Variants in SPATS2L observed in about 807,000 individuals in gnomAD.
SPATS2L encodes the protein SPATS2-like protein.
In SPATS2L, 30 loss-of-function variants were observed where a neutral mutation model predicts 59.6. The ratio of observed to expected loss-of-function variants is 0.50; its 90% CI spans 0.38 to 0.68. The LOEUF is 0.68. Among genes scored for constraint, SPATS2L ranks in the 30% least tolerant of loss-of-function variants. The probability of loss-of-function intolerance (pLI) is 0.00; values close to 1 mark genes in which losing one functional copy is unlikely to be tolerated. For synonymous variants in SPATS2L, 252 were observed against 263.5 expected (o/e 0.96, Z 0.42); for missense variants, 615 against 700.0 (o/e 0.88, Z 1.37).
intron 2 of SPATS2L, among the ~76,000 whole-genome samples, chr2:200,367,798 A>G (rs1324278409): frequency 6.6e-6 from 1 of 152,218 alleles, no homozygotes; most frequent in Non-Finnish European, 1.5e-5. Context: ...ACTGAATCAC[A>G]TTGTAAATTT....
chr2:200,471,674 G>A (rs1559164463), intron 11 of SPATS2L, among the ~76,000 whole-genome samples: 1 of 152,144 alleles, frequency 6.6e-6, no homozygotes, highest in African/African-American at 2.4e-5. Context: ...AATCTGGTGA[G>A]CATAGGAGCC....
intron 2 of SPATS2L, among the ~76,000 whole-genome samples, chr2:200,378,756 C>G (rs1350090652): frequency 6.6e-6 from 1 of 152,096 alleles, no homozygotes; most frequent in Non-Finnish European, 1.5e-5. Context: ...CCATGACAAC[C>G]GAGCCAGCTT....
chr2:200,402,064 A>G lies in SPATS2L; in HGVS notation c.40-10247A>G, dbSNP rs548702545. 8.8e-4 allele frequency among the ~76,000 whole-genome samples: 134 copies of G among 152,300 alleles called. 2 individuals are homozygous for G. Among genetic ancestry groups the G allele is most frequent in the Non-Finnish European group, 2.2e-4 (15 of 68,024 alleles). Reference sequence around the variant, plus strand: ...TTCCCCATTCCCTGCATCTAGTTAAATGCAAATCAATTGCTTCCTCCCAAG... The same window carrying G: ...TTCCCCATTCCCTGCATCTAGTTAAGTGCAAATCAATTGCTTCCTCCCAAG... On this transcript the variant is annotated intron_variant, in intron 3 of 12. Transcript: ENST00000409140.
intron 2 of SPATS2L, among the ~76,000 whole-genome samples, chr2:200,336,106 A>G (rs59915718): frequency 0.11 from 16,538 of 152,294 alleles, 958 homozygotes; most frequent in Non-Finnish European, 0.13. Context: ...TAAGTTGAAG[A>G]CAATTTTAAT....
chr2:200,332,529 G>A (rs2079980166), intron 2 of SPATS2L, among the ~76,000 whole-genome samples: 1 of 152,132 alleles, frequency 6.6e-6, no homozygotes, highest in South Asian at 2.1e-4. Context: ...TTACAGGTGT[G>A]AGCCACCATG....
chr2:200,444,679 A>C (rs1254929805), intron 8 of SPATS2L, among the ~76,000 whole-genome samples: 3 of 152,074 alleles, frequency 2.0e-5, no homozygotes, highest in Non-Finnish European at 4.4e-5. Context: ...GTCTGGCCCA[A>C]GCAGAATTTG....
At position 200,440,930 on chromosome 2, in the gene SPATS2L, T is replaced by G. The variant is rs530801530; in HGVS notation, c.788+146T>G. 25 of 717,050 alleles carry G rather than the reference T, an allele frequency of 3.5e-5. No homozygotes were observed. In the African/African-American group the frequency reaches 3.5e-4, roughly 10 times the overall value. The allele number at this position is 717,050 out of a possible 1,614,324, so 44.4% of individuals were successfully genotyped here. On this transcript the variant is annotated intron_variant, in intron 8 of 12. Transcript: ENST00000409140. ...AAATTTTGTTAAGCCCTGCAGGCAG[T>G]AGCATGTATCTTGGGAATAAAAAAG...
In SPATS2L at chr2:200,317,556, C is replaced by A. The variant is rs182195307; in HGVS notation, c.-73+10634C>A. 4.6e-5 allele frequency among the ~76,000 whole-genome samples: 7 copies of A among 152,208 alleles called. No homozygotes were observed. The East Asian group carries it at 1.4e-3, about 29-fold the overall frequency. On this transcript the variant is annotated intron_variant, in intron 1 of 12. Coordinates refer to ENST00000409140, the MANE Select transcript of SPATS2L (RefSeq NM_001100423.2). ...AGGATATGAAATCTGGGGCAAGGGG[C>A]CCAGATTTTACCCAGCCAAGGGTGA...
At chr2:200,466,806 GT>G (rs1398848337) in intron 9 of SPATS2L, among the ~76,000 whole-genome samples, 1 of 152,218 alleles carries the variant, frequency 6.6e-6, no homozygotes, top group Non-Finnish European at 1.5e-5. Context: ...TCAGATTCCA[GT>G]AACACAGCTA....
At chr2:200,471,434 G>T (rs1344369405) in intron 11 of SPATS2L, among the ~76,000 whole-genome samples, 1 of 151,912 alleles carries the variant, frequency 6.6e-6, no homozygotes, top group Admixed American at 6.6e-5. Flanking sequence ...CGATCTCGGG[G>T]CGATGGAGAG....
intron 4 of SPATS2L, among the ~76,000 whole-genome samples, chr2:200,415,195 C>G (rs2083014133): frequency 6.6e-6 from 1 of 152,152 alleles, no homozygotes; most frequent in Non-Finnish European, 1.5e-5. Flanking sequence ...CTTATTATTT[C>G]AAGTACATGC....
chr2:200,341,340 G>T (rs556489573), intron 2 of SPATS2L, among the ~76,000 whole-genome samples: 67 of 152,300 alleles, frequency 4.4e-4, no homozygotes, highest in African/African-American at 1.6e-3. Context: ...GTGTGTCATA[G>T]AACCTCTGAG....
Position 200,469,921 on chromosome 2 carries a change from T to A in SPATS2L, c.965T>A (p.Val322Asp). The change falls in exon 11 of 13, where the codon GTC becomes GAC. Residue 322 changes from valine (V) to aspartate (D), a missense_variant. Coordinates refer to ENST00000409140, the MANE Select transcript of SPATS2L (RefSeq NM_001100423.2). ...AELRAEIKHFVSERKYDEELG... is the reference protein window; with the variant it reads ...AELRAEIKHFDSERKYDEELG... ...TTCATCTCTTTCCTCCAGCACTTTGTCAGCGAGCGTAAATATGACGAGGAG... is the reference window on the plus strand; with the variant it reads ...TTCATCTCTTTCCTCCAGCACTTTGACAGCGAGCGTAAATATGACGAGGAG... 1 of 1,609,124 alleles carries A rather than the reference T, an allele frequency of 6.2e-7. No individual in the cohort carries two copies. Among genetic ancestry groups the A allele is most frequent in the African/African-American group, 1.3e-5 (1 of 74,960 alleles).
intron 2 of SPATS2L, among the ~76,000 whole-genome samples, chr2:200,334,823 A>T (rs2080086004): frequency 6.6e-6 from 1 of 152,174 alleles, no homozygotes; most frequent in Admixed American, 6.5e-5. Context: ...AGATAGTTGT[A>T]GATATGTGGC....
At chr2:200,378,096 A>C (rs2081662146) in intron 2 of SPATS2L, 2 of 336,968 alleles carry the variant, frequency 5.9e-6, no homozygotes, top group Non-Finnish European at 8.5e-6. Context: ...TTTCACAAAA[A>C]GGGAACAAGT....
At chr2:200,452,426 A>G (rs1189247340) in intron 8 of SPATS2L, among the ~76,000 whole-genome samples, 1 of 152,172 alleles carries the variant, frequency 6.6e-6, no homozygotes, top group East Asian at 1.9e-4. Context: ...AGAACTCCAA[A>G]ATATTACTAA....
intron 1 of SPATS2L, among the ~76,000 whole-genome samples, chr2:200,311,003 A>G (rs1333207184): frequency 1.3e-5 from 2 of 152,208 alleles, no homozygotes; most frequent in African/African-American, 2.4e-5. Flanking sequence ...TCTCAACTAG[A>G]TAGTAAGGCA....
At chr2:200,328,788 C>T (rs534372452) in intron 1 of SPATS2L, among the ~76,000 whole-genome samples, 164 of 152,318 alleles carry the variant, frequency 1.1e-3, no homozygotes, top group African/African-American at 3.8e-3. Flanking sequence ...CCTTGGCACC[C>T]ATCTTTCCAC....
chr2:200,340,394 CTTT>C (rs534903573), intron 2 of SPATS2L, among the ~76,000 whole-genome samples: 1 of 151,572 alleles, frequency 6.6e-6, no homozygotes, highest in South Asian at 2.1e-4. Flanking sequence ...ACTTCAGCAT[CTTT>C]TTTTTTGTTT....
Sources: gnomAD v4.1 joint callset for allele counts (sites outside exome capture counted in the v4.1 genomes callset) on GRCh38, gnomAD v4.1.1 for gene constraint, MANE v1.5 for transcripts, NCBI Gene and HGNC (gene_info 2026-07-23, HGNC 2026-07-21) for gene names.